Variants in CDH18 observed in about 807,000 individuals in gnomAD.
CDH18 encodes cadherin 18.
CDH18 carries 31 observed loss-of-function variants against 67.9 expected under a neutral mutation model. That is an observed-to-expected ratio of 0.46 (90% CI 0.34 to 0.62). CDH18 has a LOEUF of 0.62. Among genes scored for constraint, CDH18 ranks in the 20% least tolerant of loss-of-function variants. The probability of loss-of-function intolerance (pLI) is 0.01; values close to 1 mark genes in which losing one functional copy is unlikely to be tolerated. For missense variants in CDH18, 890 were observed against 975.5 expected (o/e 0.91, Z 1.17); for synonymous variants, 362 against 347.2 (o/e 1.04, Z -0.48).
At chr5:20,302,730 G>A (rs1403520307) in intron 1 of CDH18, among the ~76,000 whole-genome samples, 1 of 152,204 alleles carries the variant, frequency 6.6e-6, no homozygotes, top group Non-Finnish European at 1.5e-5. Flanking sequence ...ATGAGAATGC[G>A]CTACGCACTG....
At chr5:19,610,646 T>C (rs1412110698) in intron 6 of CDH18, among the ~76,000 whole-genome samples, 1 of 152,098 alleles carries the variant, frequency 6.6e-6, no homozygotes, top group African/African-American at 2.4e-5. Context: ...GAAAACAAGA[T>C]AGGCAAGTTG....
In CDH18 at chr5:20,316,492, T is replaced by G. The variant is rs550991342; in HGVS notation, c.-579-60987A>C. Among the ~76,000 whole-genome samples, 41 of 152,224 alleles carry G rather than the reference T, an allele frequency of 2.7e-4. 1 individual carries two copies. The highest frequency in any genetic ancestry group is 2.6e-4 in the Non-Finnish European group (18 of 67,942). ...TTCTACATTGCACAATACACATAATTATTTAAACTTAGTGAAAACACAGTT... is the reference window on the plus strand; with the variant it reads ...TTCTACATTGCACAATACACATAATGATTTAAACTTAGTGAAAACACAGTT... On this transcript the variant is annotated intron_variant, in intron 1 of 14. Coordinates refer to the CDH18 transcript ENST00000507958.
At chr5:20,296,117 G>A (rs1485976507) in intron 1 of CDH18, among the ~76,000 whole-genome samples, 3 of 151,310 alleles carry the variant, frequency 2.0e-5, no homozygotes, top group Non-Finnish European at 1.5e-5. Flanking sequence ...CTCGTGATTC[G>A]CCCGCCTCAG....
chr5:19,614,884 A>T (rs1749561743), intron 5 of CDH18, among the ~76,000 whole-genome samples: 1 of 152,148 alleles, frequency 6.6e-6, no homozygotes, highest in East Asian at 1.9e-4. Flanking sequence ...GCGGCGGCTC[A>T]GGCCTATAAT....
intron 2 of CDH18, among the ~76,000 whole-genome samples, chr5:19,940,634 C>A (rs1460276180): frequency 6.6e-6 from 1 of 151,956 alleles, no homozygotes; most frequent in Non-Finnish European, 1.5e-5. Flanking sequence ...CACTTACTGG[C>A]CTTTGTGGAT....
intron 3 of CDH18, among the ~76,000 whole-genome samples, chr5:19,793,173 C>A (rs1192294576): frequency 6.6e-6 from 1 of 152,076 alleles, no homozygotes; most frequent in Non-Finnish European, 1.5e-5. Flanking sequence ...CTTCTAAAGA[C>A]AAAGTACTTA....
intron 3 of CDH18, among the ~76,000 whole-genome samples, chr5:19,782,599 C>T (rs182513066): frequency 6.2e-4 from 95 of 152,214 alleles, no homozygotes; most frequent in African/African-American, 2.1e-3. Context: ...CAGGGCAGCA[C>T]GATGGTGATT....
intron 10 of CDH18, among the ~76,000 whole-genome samples, chr5:19,511,437 G>A (rs755445505): frequency 2.0e-5 from 3 of 152,146 alleles, no homozygotes; most frequent in Non-Finnish European, 4.4e-5. Context: ...AGTTTGGAGG[G>A]CTTAGAAGAC....
At chr5:20,308,537 A>G (rs1439600450) in intron 1 of CDH18, among the ~76,000 whole-genome samples, 1 of 135,228 alleles carries the variant, frequency 7.4e-6, no homozygotes, top group East Asian at 2.9e-4. Flanking sequence ...GGCGAGACTC[A>G]GTCAAAAAAA....
intron 5 of CDH18, among the ~76,000 whole-genome samples, chr5:19,703,501 C>T (rs555984298): frequency 1.3e-5 from 2 of 152,236 alleles, no homozygotes; most frequent in African/African-American, 2.4e-5. Context: ...TTTGTCCCTA[C>T]CCTTCTGCAC....
At chr5:20,004,294 G>GTAT (rs1284461791) in intron 2 of CDH18, among the ~76,000 whole-genome samples, 1 of 152,094 alleles carries the variant, frequency 6.6e-6, no homozygotes, top group Admixed American at 6.5e-5. Flanking sequence ...ACAGCAAAGA[G>GTAT]TATTACATCA....
intron 7 of CDH18, among the ~76,000 whole-genome samples, chr5:19,579,814 T>C (rs908625896): frequency 2.0e-5 from 3 of 151,852 alleles, no homozygotes; most frequent in African/African-American, 7.2e-5. Context: ...TCACAGTCAG[T>C]GTTCCTGCCT....
At chr5:20,229,303 T>C (rs938973334) in intron 2 of CDH18, among the ~76,000 whole-genome samples, 16 of 152,244 alleles carry the variant, frequency 1.1e-4, no homozygotes, top group African/African-American at 3.4e-4. Flanking sequence ...AACCCAATTA[T>C]TATTATTATG....
At chr5:19,740,539 C>T (rs201946460) in intron 4 of CDH18, among the ~76,000 whole-genome samples, 8 of 152,128 alleles carry the variant, frequency 5.3e-5, no homozygotes, top group Non-Finnish European at 4.4e-5. Context: ...AAAAGAGATA[C>T]GATACACACA....
intron 2 of CDH18, among the ~76,000 whole-genome samples, chr5:19,850,567 T>G (rs1367287806): frequency 2.0e-5 from 3 of 151,820 alleles, no homozygotes; most frequent in Non-Finnish European, 4.4e-5. Flanking sequence ...GGATAAACTC[T>G]AGGAACAACT....
intron 4 of CDH18, 98 bp downstream of exon 4, chr5:19,746,843 TC>T (rs1197374009): frequency 9.7e-6 from 9 of 930,124 alleles, no homozygotes; most frequent in African/African-American, 1.7e-5. Context: ...TTATATCCCC[TC>T]CAGATATATA....
At chr5:20,364,613 G>A (rs1186574232) in intron 1 of CDH18, among the ~76,000 whole-genome samples, 1 of 152,142 alleles carries the variant, frequency 6.6e-6, no homozygotes, top group African/African-American at 2.4e-5. Flanking sequence ...AAGTGACTGT[G>A]TATAGACTTC....
At chr5:20,423,187 G>A (rs931790651) in intron 1 of CDH18, among the ~76,000 whole-genome samples, 2 of 151,368 alleles carry the variant, frequency 1.3e-5, no homozygotes, top group African/African-American at 4.9e-5. Context: ...AATCCAGCAA[G>A]CAGGCATGCG....
intron 2 of CDH18, among the ~76,000 whole-genome samples, chr5:20,072,803 TA>T (rs1174701594): frequency 6.6e-6 from 1 of 152,014 alleles, no homozygotes; most frequent in Non-Finnish European, 1.5e-5. Context: ...CTATGATTAT[TA>T]AAATTAATTT....
Sources: gnomAD v4.1 joint callset for allele counts (sites outside exome capture counted in the v4.1 genomes callset) on GRCh38, gnomAD v4.1.1 for gene constraint, MANE v1.5 for transcripts, NCBI Gene and HGNC (gene_info 2026-07-23, HGNC 2026-07-21) for gene names.